The following THUMPD2 variants were observed in gnomAD, a reference collection of about 807,000 sequenced individuals.
The protein encoded by THUMPD2 is THUMP domain 2 tRNA and snRNA guanosine methyltransferase, also known as U6 snRNA (guanine-N(2))-methyltransferase THUMPD2.
In THUMPD2, 56 loss-of-function variants were observed where a neutral mutation model predicts 49.4. That is an observed-to-expected ratio of 1.13 (90% confidence interval 0.91 to 1.41). The LOEUF (loss-of-function observed/expected upper bound fraction) is 1.41, where lower values mean the gene tolerates loss of function less well. THUMPD2 is among the 40% of genes most tolerant of loss of function. THUMPD2 has a pLI of 0.00. For synonymous variants in THUMPD2, 237 were observed against 205.2 expected, an observed-to-expected ratio of 1.15 and a Z score of -1.32; for missense variants, 709 against 594.5, an observed-to-expected ratio of 1.19 and a Z score of -2.00.
chr2:39,768,358 G>T, intron 4 of THUMPD2, 66 bp downstream of exon 4: 1 of 1,303,256 alleles, frequency 7.7e-7, no homozygotes. Flanking sequence ...AGTATGATAA[G>T]AATACAGGAC....
Position 39,736,921 on chromosome 2 carries a change from C to G in THUMPD2, c.1326G>C (p.Leu442Phe). 1.2e-6 allele frequency: 2 copies of G among 1,614,168 alleles called. No homozygotes were observed. Among genetic ancestry groups the G allele is most frequent in the South Asian group, 1.1e-5 (1 of 91,086 alleles). ...ATGCACCAGTTTTTTCTTCAGGATT[C>G]AAGCACTTTTTAATTCCAGGTTCAT... ...HTDEPGIKKCLNPEEKTGAFK... is the reference protein window; with the variant it reads ...HTDEPGIKKCFNPEEKTGAFK... Residue 442 changes from leucine (L) to phenylalanine (F), a missense_variant, in exon 10 of 10, where the codon TTG becomes TTC. Coordinates refer to ENST00000505747, the MANE Select transcript of THUMPD2 (RefSeq NM_025264.5).
At chr2:39,779,262 G>C, upstream of THUMPD2, 1 of 1,472,436 alleles carries the variant, frequency 6.8e-7, no homozygotes, top group Non-Finnish European at 8.9e-7. Context: ...GCGCCCTCGC[G>C]CCTTCGGGTC....
chr2:39,765,405 G>C (rs1045379896), intron 5 of THUMPD2, among the ~76,000 whole-genome samples: 3 of 152,012 alleles, frequency 2.0e-5, no homozygotes, highest in South Asian at 2.1e-4. Flanking sequence ...TGATCTGCCT[G>C]CCTCGGCGTC....
chr2:39,736,613 T>G lies in THUMPD2; in HGVS notation c.*122A>C. 1 of 813,052 alleles carries G rather than the reference T, an allele frequency of 1.2e-6. No homozygotes were observed. 50.4% of individuals were successfully genotyped at this position (813,052 alleles called of 1,614,324 possible). A position where few individuals can be genotyped will look rare whatever the true frequency, so the allele number is the denominator to read the frequency against. On this transcript the variant is annotated 3_prime_UTR_variant, in exon 10 of 10. Coordinates refer to ENST00000505747, the MANE Select transcript of THUMPD2 (RefSeq NM_025264.5). ...ATGTGTACCCATCAGCCACACCTCC[T>G]GTCTTTGGGGGAATTTGGTTACTTG... is the stretch of plus-strand genomic sequence containing the variant.
chr2:39,777,523 T>A (rs1679282271), intron 1 of THUMPD2, among the ~76,000 whole-genome samples: 1 of 152,206 alleles, frequency 6.6e-6, no homozygotes, highest in Non-Finnish European at 1.5e-5. Context: ...CTTTTGAGGA[T>A]TAAATCATAA....
intron 1 of THUMPD2, among the ~76,000 whole-genome samples, chr2:39,773,818 T>C (rs1572886735): frequency 1.3e-5 from 2 of 152,024 alleles, no homozygotes; most frequent in Non-Finnish European, 2.9e-5. Flanking sequence ...TTATACATTC[T>C]CAAAACCAAA....
intron 2 of THUMPD2, 77 bp from the exon 3 acceptor site, chr2:39,770,196 A>G (rs1348572191): frequency 1.5e-5 from 15 of 993,382 alleles, no homozygotes; most frequent in Non-Finnish European, 2.0e-5. Context: ...CTCAAACTCA[A>G]TTACCTTTAT....
chr2:39,774,682 TTC>T (rs1201191442), intron 1 of THUMPD2, among the ~76,000 whole-genome samples: 1 of 152,214 alleles, frequency 6.6e-6, no homozygotes, highest in Non-Finnish European at 1.5e-5. Context: ...AAGCTACTAA[TTC>T]TCTTTTTCTT....
rs1157482457 is a variant in THUMPD2 at position 39,755,902 on chromosome 2, G to A, written c.950C>T (p.Ala317Val). Residue 317 changes from alanine (A) to valine (V), a missense_variant, in exon 7 of 10, where the codon GCT (alanine) becomes GTT (valine). By Grantham distance (64) the Ala-to-Val change is moderately conservative. Transcript: ENST00000505747. ...CGLGTILLEA[A>V]KEWPDVYYVG... ...TTTAGAACTTACTGGCCATTCTTTA[G>A]CAGCTTCCAAAAGTATTGTTCCAAG... is the stretch of plus-strand genomic sequence containing the variant. 2 of 1,613,614 alleles carry A rather than the reference G, an allele frequency of 1.2e-6. No individual in the cohort carries two copies. The highest frequency in any genetic ancestry group is 3.3e-5 in the Admixed American group (2 of 59,960).
intron 2 of THUMPD2, 52 bp downstream of exon 2, chr2:39,771,453 G>C (rs1678300525): frequency 2.6e-6 from 4 of 1,521,396 alleles, no homozygotes; most frequent in Middle Eastern, 1.8e-4. Flanking sequence ...GAAAATGTTG[G>C]AGTACAATGT....
chr2:39,768,176 C>T (rs1413089787), intron 4 of THUMPD2, among the ~76,000 whole-genome samples: 2 of 151,972 alleles, frequency 1.3e-5, no homozygotes, highest in African/African-American at 4.8e-5. Context: ...TTTTTTTCTT[C>T]AACTGTGACC....
chr2:39,767,613 A>AAAAAAC (rs1471047949), intron 4 of THUMPD2, among the ~76,000 whole-genome samples: 2 of 149,820 alleles, frequency 1.3e-5, no homozygotes, highest in Non-Finnish European at 3.0e-5. Flanking sequence ...CAAAAAAAAA[A>AAAAAAC]AAAAAAAAAG....
At chr2:39,770,582 A>G (rs919127484) in intron 2 of THUMPD2, among the ~76,000 whole-genome samples, 6 of 152,134 alleles carry the variant, frequency 3.9e-5, no homozygotes, top group African/African-American at 1.2e-4. Context: ...ATTAATAAGT[A>G]TATTATAATG....
At chr2:39,764,822 G>T (rs1278617157) in intron 5 of THUMPD2, among the ~76,000 whole-genome samples, 1 of 151,594 alleles carries the variant, frequency 6.6e-6, no homozygotes, top group Non-Finnish European at 1.5e-5. Context: ...ACTAAACACA[G>T]AGCATCTGTT....
intron 8 of THUMPD2, among the ~76,000 whole-genome samples, chr2:39,752,841 TGGA>T (rs1250293174): frequency 1.3e-5 from 2 of 152,190 alleles, no homozygotes; most frequent in Admixed American, 1.3e-4. Context: ...GTATCAACAG[TGGA>T]GAAGAGTGCA....
chr2:39,750,602 G>A (rs767146869), intron 8 of THUMPD2, among the ~76,000 whole-genome samples: 8 of 152,106 alleles, frequency 5.3e-5, no homozygotes, highest in Non-Finnish European at 8.8e-5. Context: ...AGCTACTTGG[G>A]AGGCTGAGGC....
intron 9 of THUMPD2, among the ~76,000 whole-genome samples, chr2:39,743,569 G>A (rs1314247517): frequency 6.6e-6 from 1 of 152,140 alleles, no homozygotes; most frequent in East Asian, 1.9e-4. Context: ...ATAGATTAAT[G>A]CCCTCCCTGT....
At chr2:39,755,202 A>G in intron 8 of THUMPD2, 93 bp downstream of exon 8, 1 of 838,094 alleles carries the variant, frequency 1.2e-6, no homozygotes, top group Non-Finnish European at 1.8e-6. Flanking sequence ...GGGTAAAACC[A>G]ACCTTTACAT....
chr2:39,760,770 C>T (rs1400681608), intron 6 of THUMPD2, among the ~76,000 whole-genome samples: 1 of 152,050 alleles, frequency 6.6e-6, no homozygotes, highest in Non-Finnish European at 1.5e-5. Context: ...AACAAAAAGG[C>T]ACACTTCACA....
Sources: gnomAD v4.1 joint callset for allele counts (sites outside exome capture counted in the v4.1 genomes callset) on GRCh38, gnomAD v4.1.1 for gene constraint, MANE v1.5 for transcripts, NCBI Gene and HGNC (gene_info 2026-07-23, HGNC 2026-07-21) for gene names.